Variants in NAF1 observed in about 807,000 individuals in gnomAD.
NAF1 encodes the protein nuclear assembly factor 1 ribonucleoprotein.
A neutral mutation model predicts 40.6 loss-of-function variants in NAF1; 11 were observed. The ratio of observed to expected loss-of-function variants is 0.27; its 90% CI spans 0.17 to 0.45. NAF1 has a LOEUF of 0.45. Ranked by LOEUF, NAF1 falls within the 20% of genes least tolerant of loss-of-function variation. NAF1 has a pLI of 1.00. For synonymous variants in NAF1, 260 were observed against 228.5 expected (o/e 1.14, Z -1.24); for missense variants, 607 against 611.1 (o/e 0.99, Z 0.07).
chr4:163,112,917 G>A (rs776096386), intron 2 of NAF1, among the ~76,000 whole-genome samples: 20 of 152,132 alleles, frequency 1.3e-4, no homozygotes, highest in Non-Finnish European at 2.8e-4. Flanking sequence ...CAGCTTTAAG[G>A]CTCCCTTTTA....
exon 3 of NAF1, chr4:163,110,159 T>C (rs2110789303): frequency 6.6e-6 from 4 of 602,976 alleles, no homozygotes; most frequent in Non-Finnish European, 8.9e-6. Context: ...CTTCTATGGA[T>C]AAGAATGCTT....
Position 163,140,238 on chromosome 4 carries a change from G to A in NAF1, c.863C>T (p.Thr288Ile). Reference protein sequence around the residue: ...SMKDFTQYIFTEKLKQDKGSD... With the variant: ...SMKDFTQYIFIEKLKQDKGSD... Reference sequence around the variant, plus strand: ...AAGTACTTACTGTTTTAGTTTTTCTGTGAATATATATTGAGTGAAATCTTT... The same window carrying A: ...AAGTACTTACTGTTTTAGTTTTTCTATGAATATATATTGAGTGAAATCTTT... The change falls in exon 5 of 8, where the codon ACA (threonine) becomes ATA (isoleucine). Residue 288 changes from threonine (T) to isoleucine (I), a missense_variant. Thr to Ile is a moderately conservative substitution (Grantham distance 89). Coordinates refer to ENST00000274054, the MANE Select transcript of NAF1 (RefSeq NM_138386.3). 1 of 1,592,978 alleles carries A rather than the reference G, an allele frequency of 6.3e-7. No homozygotes were observed. The highest frequency in any genetic ancestry group is 8.5e-7 in the Non-Finnish European group (1 of 1,173,678).
At chr4:163,136,086 C>G (rs1256770640) in intron 6 of NAF1, 1 of 152,144 alleles carries the variant, frequency 6.6e-6, no homozygotes, top group Non-Finnish European at 1.5e-5. Flanking sequence ...AAACCTGATT[C>G]ATACCTCAGT....
In NAF1 at chr4:163,145,878, T is replaced by C. The variant is rs371961425; in HGVS notation, c.635-14A>G. Reference sequence around the variant, plus strand: ...ATTCAATTATTACTGAAAAATAAAATAGATTACTTCAAGATTTACTTATAA... The same window carrying C: ...ATTCAATTATTACTGAAAAATAAAACAGATTACTTCAAGATTTACTTATAA... On this transcript the variant is annotated splice_polypyrimidine_tract_variant and intron_variant, in intron 3 of 7. Transcript: ENST00000274054. 8.1e-5 allele frequency: 97 copies of C among 1,201,292 alleles called. No homozygotes were observed. Among genetic ancestry groups the C allele is most frequent in the South Asian group, 7.7e-4 (56 of 73,070 alleles). 74.4% of individuals were successfully genotyped at this position (1,201,292 alleles called of 1,614,324 possible). A position where few individuals can be genotyped will look rare whatever the true frequency, so the allele number is the denominator to read the frequency against.
At chr4:163,127,830 T>C (rs1032189313), downstream of NAF1, among the ~76,000 whole-genome samples, 1 of 152,178 alleles carries the variant, frequency 6.6e-6, no homozygotes, top group Admixed American at 6.5e-5. Context: ...CAATGTGCCA[T>C]ACAAATACTG....
chr4:163,147,418 C>G (rs988380212), intron 3 of NAF1, among the ~76,000 whole-genome samples: 4 of 152,136 alleles, frequency 2.6e-5, no homozygotes, highest in African/African-American at 9.7e-5. Context: ...GTGCTGAGTT[C>G]TATTCTCCAG....
At chr4:163,122,602 T>G (rs938688701), downstream of NAF1, among the ~76,000 whole-genome samples, 2 of 152,250 alleles carry the variant, frequency 1.3e-5, no homozygotes, top group African/African-American at 2.4e-5. Context: ...AGAAGTATCC[T>G]ACTATAGTTT....
chr4:163,156,419 AC>A lies in NAF1; in HGVS notation c.540+7797del, dbSNP rs200095018. ...TAAAGTATCTGCCTGGATACCAACAACCCCTGTTAAAAGAATGATGAGTAGA... is the reference window on the plus strand; with the variant it reads ...TAAAGTATCTGCCTGGATACCAACAACCCTGTTAAAAGAATGATGAGTAGA... On this transcript the variant is annotated intron_variant, in intron 2 of 7. Coordinates refer to ENST00000274054, the MANE Select transcript of NAF1 (RefSeq NM_138386.3). Among the ~76,000 whole-genome samples the A allele has an allele frequency of 8.0e-3, 1,187 of 147,892 alleles. 14 individuals carry two copies. Among genetic ancestry groups the A allele is most frequent in the African/African-American group, 0.027 (1,088 of 40,488 alleles).
rs190855783 is a variant in NAF1 at position 163,121,444 on chromosome 4, C to T, written c.115-11154G>A. 3.9e-5 allele frequency among the ~76,000 whole-genome samples: 6 copies of T among 152,110 alleles called. No individual in the cohort carries two copies. In the South Asian group the frequency reaches 8.3e-4, roughly 21 times the overall value. ...ATGTGCATTTTTTTCTTTTGTATCC[C>T]GAATGCACTAAATCATGAACAGTGT... On this transcript the variant is annotated intron_variant, in intron 2 of 2. Transcript: ENST00000509434.
Position 163,140,356 on chromosome 4 carries a change from G to T in NAF1, c.745C>A (p.His249Asn). ...KIFEIFGPVAHPFYVLRFNSS... is the reference protein window; with the variant it reads ...KIFEIFGPVANPFYVLRFNSS... ...TTAAACCGTAACACATAAAATGGAT[G>T]TGCAACAGGTCCAAATATCTCGAAT... The change falls in exon 5 of 8, where the codon CAT (histidine) becomes AAT (asparagine). Residue 249 changes from histidine to asparagine, a missense_variant. Coordinates refer to ENST00000274054, the MANE Select transcript of NAF1 (RefSeq NM_138386.3). The T allele has an allele frequency of 6.2e-7, 1 of 1,605,758 alleles. No homozygotes were observed. The highest frequency in any genetic ancestry group is 8.5e-7 in the Non-Finnish European group (1 of 1,177,262).
intron 2 of NAF1, among the ~76,000 whole-genome samples, chr4:163,155,346 A>G (rs1457358893): frequency 6.6e-6 from 1 of 152,230 alleles, no homozygotes; most frequent in African/African-American, 2.4e-5. Context: ...GCTCATTGCT[A>G]TAGCACCCAA....
chr4:163,134,740 C>T (rs1730991480), intron 6 of NAF1, among the ~76,000 whole-genome samples: 1 of 152,012 alleles, frequency 6.6e-6, no homozygotes, highest in Non-Finnish European at 1.5e-5. Flanking sequence ...CACACAGAGG[C>T]ATGATAGAAC....
At chr4:163,130,666 G>T (rs28815012) in intron 7 of NAF1, among the ~76,000 whole-genome samples, 1 of 152,034 alleles carries the variant, frequency 6.6e-6, no homozygotes, top group East Asian at 1.9e-4. Context: ...TTTAACGAAG[G>T]AGCAAAAGCA....
Position 163,145,848 on chromosome 4 carries a change from C to A in NAF1, c.651G>T (p.Met217Ile). 1 of 1,529,828 alleles carries A rather than the reference C, an allele frequency of 6.5e-7. No homozygotes were observed. The highest frequency in any genetic ancestry group is 1.2e-5 in the South Asian group (1 of 84,706). 94.8% of individuals were successfully genotyped at this position (1,529,828 alleles called of 1,614,324 possible). A position where few individuals can be genotyped will look rare whatever the true frequency, so the allele number is the denominator to read the frequency against. ...CCTCATTAACTGGAGGTAGGTTAGT[C>A]ATAGATTCAATTATTACTGAAAAAT... The part of the protein sequence containing the change: ...IIEQLVIIES[M>I]TNLPPVNEET... Residue 217 changes from methionine to isoleucine, a missense_variant, in exon 4 of 8, where the codon ATG (methionine) becomes ATT (isoleucine). By Grantham distance (10) the Met-to-Ile change is conservative. Transcript: ENST00000274054.
chr4:163,149,317 G>A (rs1022300306), intron 2 of NAF1, among the ~76,000 whole-genome samples: 1 of 152,156 alleles, frequency 6.6e-6, no homozygotes, highest in African/African-American at 2.4e-5. Flanking sequence ...TAAACTGGGA[G>A]AAGGATAACT....
At chr4:163,125,469 T>G (rs1730629011), downstream of NAF1, among the ~76,000 whole-genome samples, 1 of 152,158 alleles carries the variant, frequency 6.6e-6, no homozygotes. Flanking sequence ...GGATAAAAGA[T>G]CAAACCAGTT....
chr4:163,137,875 T>C (rs950293930), intron 5 of NAF1, among the ~76,000 whole-genome samples: 6 of 152,156 alleles, frequency 3.9e-5, no homozygotes, highest in Admixed American at 3.9e-4. Context: ...GACTGGCATG[T>C]GTGAAATGTG....
intron 2 of NAF1, chr4:163,117,405 T>A (rs1447071299): frequency 1.3e-5 from 2 of 152,302 alleles, no homozygotes; most frequent in South Asian, 4.1e-4. Flanking sequence ...ATGAATATAT[T>A]AAATTTCAAT....
downstream of NAF1, among the ~76,000 whole-genome samples, chr4:163,109,682 T>A (rs1175714966): frequency 2.0e-5 from 3 of 152,218 alleles, no homozygotes; most frequent in Non-Finnish European, 2.9e-5. Flanking sequence ...AAAAGAATGC[T>A]ATGACTTGTT....
Sources: gnomAD v4.1 joint callset for allele counts (sites outside exome capture counted in the v4.1 genomes callset) on GRCh38, gnomAD v4.1.1 for gene constraint, MANE v1.5 for transcripts, NCBI Gene and HGNC (gene_info 2026-07-23, HGNC 2026-07-21) for gene names.